Variants in SLC22A23 observed in about 807,000 individuals in gnomAD.
The protein encoded by SLC22A23 is solute carrier family 22 member 23, also known as ion transporter protein.
SLC22A23 carries 26 observed loss-of-function variants against 61.0 expected under a neutral mutation model. The observed-to-expected ratio is 0.43, with a 90% CI of 0.31 to 0.59. The LOEUF (loss-of-function observed/expected upper bound fraction) is 0.59, where lower values mean the gene tolerates loss of function less well. Ranked by LOEUF, SLC22A23 falls within the 20% of genes least tolerant of loss-of-function variation. SLC22A23 has a pLI of 0.11. For synonymous variants in SLC22A23, 430 were observed against 413.9 expected (o/e 1.04, Z -0.47); for missense variants, 796 against 934.7 (o/e 0.85, Z 1.94).
chr6:3,368,164 G>A (rs1253346356), intron 3 of SLC22A23, among the ~76,000 whole-genome samples: 4 of 152,178 alleles, frequency 2.6e-5, no homozygotes, highest in African/African-American at 9.7e-5. Flanking sequence ...GGTCCTACAT[G>A]ACAAAGGGCT....
chr6:3,329,050 C>T lies in SLC22A23; in HGVS notation c.914-5048G>A, dbSNP rs1210340527. On this transcript the variant is annotated intron_variant, in intron 3 of 9. Transcript: ENST00000406686. The surrounding 1 kb of genome is among the most constrained non-coding windows in gnomAD (Gnocchi z 4.8). ...ACCCAGGGAGGAGCCCCAGGGAGCACGCAAAGGTCCGAGCTGTGCTACTGA... is the reference window on the plus strand; with the variant it reads ...ACCCAGGGAGGAGCCCCAGGGAGCATGCAAAGGTCCGAGCTGTGCTACTGA... Among the ~76,000 whole-genome samples the T allele has an allele frequency of 2.0e-5, 3 of 152,156 alleles. No homozygotes were observed. The highest frequency in any genetic ancestry group is 4.4e-5 in the Non-Finnish European group (3 of 68,040).
intron 1 of SLC22A23, chr6:3,444,773 C>T (rs1046115785): frequency 7.1e-6 from 7 of 983,792 alleles, no homozygotes; most frequent in Middle Eastern, 5.2e-4. Flanking sequence ...TTTGGTGGGG[C>T]TCCTCCCATC....
chr6:3,420,910 G>T (rs1296351974), intron 1 of SLC22A23, among the ~76,000 whole-genome samples: 6 of 152,068 alleles, frequency 3.9e-5, no homozygotes, highest in Non-Finnish European at 7.4e-5. Flanking sequence ...TTCTAGACCA[G>T]CCCGGCCAAT....
At chr6:3,341,471 CTCT>C (rs1314815049) in intron 3 of SLC22A23, among the ~76,000 whole-genome samples, 1 of 152,126 alleles carries the variant, frequency 6.6e-6, no homozygotes, top group African/African-American at 2.4e-5. Flanking sequence ...CTCTCTCTCT[CTCT>C]TCTTCCAACT....
chr6:3,306,828 A>G (rs545902598), intron 4 of SLC22A23, among the ~76,000 whole-genome samples: 55 of 152,352 alleles, frequency 3.6e-4, no homozygotes, highest in African/African-American at 1.3e-3. Flanking sequence ...AGAGCCGTTC[A>G]GGACAAGGAC....
intron 1 of SLC22A23, 27 bp downstream of exon 1, chr6:3,455,879 G>A (rs1043477625): frequency 6.8e-7 from 1 of 1,475,814 alleles, no homozygotes; most frequent in East Asian, 2.5e-5. Flanking sequence ...GAGAGGGTTG[G>A]AGGGACTGGG....
In SLC22A23 at chr6:3,286,022, C is replaced by T. The variant is rs1026714647; in HGVS notation, c.1546+837G>A. ...GATGCTGTGGTGGTTTGTCCATACA[C>T]GGGAATGGGTATTTGTTGGTGAGGA... is the stretch of plus-strand genomic sequence containing the variant. On this transcript the variant is annotated intron_variant, in intron 7 of 9. Transcript: ENST00000406686. This position sits in a 1 kb window ranked among gnomAD's most constrained non-coding sequence, Gnocchi z 4.2. 2.0e-5 allele frequency among the ~76,000 whole-genome samples: 3 copies of T among 151,914 alleles called. No homozygotes were observed. Among genetic ancestry groups the T allele is most frequent in the African/African-American group, 4.8e-5 (2 of 41,346 alleles).
At chr6:3,411,668 G>A (rs1769259452) in intron 2 of SLC22A23, among the ~76,000 whole-genome samples, 1 of 151,992 alleles carries the variant, frequency 6.6e-6, no homozygotes, top group Non-Finnish European at 1.5e-5. Context: ...ACCCTATAGA[G>A]ATAGATGGAA....
At chr6:3,384,631 A>T (rs1283473025) in intron 3 of SLC22A23, among the ~76,000 whole-genome samples, 1 of 152,248 alleles carries the variant, frequency 6.6e-6, no homozygotes, top group African/African-American at 2.4e-5. Flanking sequence ...AATGTCAATA[A>T]AAACTTTTAT....
chr6:3,311,637 G>C (rs561647372), intron 4 of SLC22A23: 1 of 152,318 alleles, frequency 6.6e-6, no homozygotes, highest in Admixed American at 6.5e-5. Flanking sequence ...GATTGGCTCT[G>C]AGGATGGTTA....
intron 3 of SLC22A23, among the ~76,000 whole-genome samples, chr6:3,362,871 G>A (rs1765570433): frequency 6.6e-6 from 1 of 152,188 alleles, no homozygotes; most frequent in Non-Finnish European, 1.5e-5. Flanking sequence ...GGTGGGACAG[G>A]GGAATGTCCT....
At chr6:3,443,478 C>G (rs897402234) in intron 1 of SLC22A23, among the ~76,000 whole-genome samples, 4 of 152,132 alleles carry the variant, frequency 2.6e-5, no homozygotes, top group Admixed American at 6.5e-5. Flanking sequence ...GAGGTATGTT[C>G]CTGCTAATTC....
chr6:3,382,055 C>A (rs1478713626), intron 3 of SLC22A23, among the ~76,000 whole-genome samples: 1 of 152,218 alleles, frequency 6.6e-6, no homozygotes, highest in African/African-American at 2.4e-5. Context: ...GGAGGTGGAT[C>A]CTCCACTTGT....
intron 6 of SLC22A23, among the ~76,000 whole-genome samples, chr6:3,287,677 T>TG (rs1242265093): frequency 7.2e-6 from 1 of 139,298 alleles, no homozygotes; most frequent in African/African-American, 2.9e-5. Flanking sequence ...AGGAAACTGT[T>TG]TTTTTTTTTG....
intron 1 of SLC22A23, among the ~76,000 whole-genome samples, chr6:3,422,841 G>A (rs559239583): frequency 2.0e-5 from 3 of 152,174 alleles, no homozygotes; most frequent in East Asian, 1.9e-4. Flanking sequence ...AATAGCCGGG[G>A]CAAAAATAGA....
intron 3 of SLC22A23, among the ~76,000 whole-genome samples, chr6:3,378,283 G>A (rs957667742): frequency 2.0e-5 from 3 of 152,166 alleles, no homozygotes; most frequent in African/African-American, 2.4e-5. Context: ...AACATGGCCC[G>A]AAGTCCATCA....
At chr6:3,439,154 T>G (rs909114599) in intron 1 of SLC22A23, 5 of 332,006 alleles carry the variant, frequency 1.5e-5, no homozygotes, top group African/African-American at 1.1e-4. Context: ...GACAGTCCTG[T>G]GCCCTGTAGG....
intron 3 of SLC22A23, among the ~76,000 whole-genome samples, chr6:3,398,944 C>G (rs1768195761): frequency 1.3e-5 from 2 of 152,104 alleles, no homozygotes; most frequent in South Asian, 4.2e-4. Flanking sequence ...CGGGAAGATC[C>G]TTTGAGGCCA....
intron 3 of SLC22A23, among the ~76,000 whole-genome samples, chr6:3,369,548 G>A (rs1022206688): frequency 5.3e-5 from 8 of 152,172 alleles, no homozygotes; most frequent in Admixed American, 2.0e-4. Flanking sequence ...AAAATTAGCC[G>A]GGCGTGGTGG....
Sources: gnomAD v4.1 joint callset for allele counts (sites outside exome capture counted in the v4.1 genomes callset) on GRCh38, gnomAD v4.1.1 for gene constraint, Gnocchi (gnomAD v3.1) non-coding constraint, MANE v1.5 for transcripts, NCBI Gene and HGNC (gene_info 2026-07-23, HGNC 2026-07-21) for gene names.